Variants in APBB2 observed in about 807,000 individuals in gnomAD.
The protein encoded by APBB2 is Fe65-like 1.
Under a neutral mutation model 82.5 loss-of-function variants are expected in APBB2, and 38 were observed. That is an observed-to-expected ratio of 0.46 (90% CI 0.36 to 0.60). The LOEUF (loss-of-function observed/expected upper bound fraction) is 0.60. Among genes scored for constraint, APBB2 ranks in the 20% least tolerant of loss-of-function variants. The pLI is 0.00. For synonymous variants in APBB2, 341 were observed against 368.2 expected (o/e 0.93, Z 0.85); for missense variants, 772 against 972.3 (o/e 0.79, Z 2.74).
At chr4:41,100,390 C>A (rs1380519755) in intron 3 of APBB2, among the ~76,000 whole-genome samples, 1 of 152,028 alleles carries the variant, frequency 6.6e-6, no homozygotes, top group Non-Finnish European at 1.5e-5. Flanking sequence ...AGTTTTGTCA[C>A]AACCTTGAGG....
At chr4:40,987,493 T>C (rs557063305) in intron 6 of APBB2, among the ~76,000 whole-genome samples, 134 of 152,342 alleles carry the variant, frequency 8.8e-4, no homozygotes, top group African/African-American at 3.0e-3. Flanking sequence ...AAGGATAAGA[T>C]GGTCTATTTC....
At position 41,013,668 on chromosome 4, in the gene APBB2, G is replaced by A; in HGVS notation, c.750C>T (p.Ile250=). The A allele has an allele frequency of 6.2e-7, 1 of 1,614,230 alleles. No homozygotes were observed. The highest frequency in any genetic ancestry group is 8.5e-7 in the Non-Finnish European group (1 of 1,180,034). Residue 250 remains isoleucine (I), a synonymous_variant, in exon 6 of 18, where the codon ATC becomes ATT. Coordinates refer to ENST00000508593, the MANE Select transcript of APBB2 (RefSeq NM_004307.2). ...GAKTDCALHR[I]QNLAPSDEES... is the part of the protein sequence containing the mutation. ...CCTCATCGCTCGGTGCCAGGTTCTG[G>A]ATCCGGTGCAGTGCACAGTCGGTTT... is the stretch of plus-strand genomic sequence containing the variant.
intron 1 of APBB2, among the ~76,000 whole-genome samples, chr4:41,176,411 C>T (rs1302247181): frequency 6.6e-6 from 1 of 152,028 alleles, no homozygotes; most frequent in Non-Finnish European, 1.5e-5. Context: ...AACCAGAGCC[C>T]TCAGAGGACA....
chr4:40,969,724 C>T (rs1369346345), intron 6 of APBB2, among the ~76,000 whole-genome samples: 1 of 152,166 alleles, frequency 6.6e-6, no homozygotes, highest in Non-Finnish European at 1.5e-5. Context: ...AGCTGTATCT[C>T]TGTGAACAAG....
At chr4:40,957,728 C>T (rs569455754) in intron 6 of APBB2, among the ~76,000 whole-genome samples, 43 of 152,108 alleles carry the variant, frequency 2.8e-4, no homozygotes, top group African/African-American at 9.6e-4. Context: ...GGATTGCAGG[C>T]GCCTACCACC....
intron 5 of APBB2, among the ~76,000 whole-genome samples, chr4:41,032,499 T>C (rs567321007): frequency 1.5e-4 from 22 of 145,268 alleles, no homozygotes; most frequent in African/African-American, 5.1e-4. Flanking sequence ...ACATTCAGTA[T>C]TGGGGGCGGG....
chr4:41,193,962 C>A lies in APBB2; in HGVS notation c.-417+20443G>T. On this transcript the variant is annotated intron_variant, in intron 1 of 17. Coordinates refer to ENST00000508593, the MANE Select transcript of APBB2 (RefSeq NM_004307.2). The stretch of plus-strand genomic sequence containing the variant: ...TCAGTATCTAGAACATTAGTCCCCA[C>A]TTTTTAGATTATTTGTATATTTGAA... 14 of 152,272 alleles carry A rather than the reference C, an allele frequency of 9.2e-5. 1 individual carries two copies. The East Asian group carries it at 2.7e-3, about 29-fold the overall frequency. 9.4% of individuals were successfully genotyped at this position (152,272 alleles called of 1,614,324 possible).
intron 12 of APBB2, among the ~76,000 whole-genome samples, chr4:40,871,212 G>A (rs1765429256): frequency 6.6e-6 from 1 of 152,116 alleles, no homozygotes; most frequent in Admixed American, 6.5e-5. Flanking sequence ...TGCAGTCTTG[G>A]CTCACTGCAA....
In APBB2 at chr4:41,144,893, G is replaced by A. The variant is rs563256375; in HGVS notation, c.-416-1751C>T. On this transcript the variant is annotated intron_variant, in intron 1 of 17. Coordinates refer to ENST00000508593, the MANE Select transcript of APBB2 (RefSeq NM_004307.2). ...CCAGCAATTTGGGAGGCTAAGGCCA[G>A]AGGATCACTTGAGCCCAGACGTTCA... Among the ~76,000 whole-genome samples the A allele has an allele frequency of 2.6e-5, 4 of 152,342 alleles. No individual in the cohort carries two copies. The East Asian group carries it at 7.7e-4, about 29-fold the overall frequency.
Position 40,945,075 on chromosome 4 carries a change from TG to T in APBB2, c.836-3del. The T allele has an allele frequency of 8.3e-7, 1 of 1,199,418 alleles. No homozygotes were observed. The highest frequency in any genetic ancestry group is 1.1e-6 in the Non-Finnish European group (1 of 892,022). 74.3% of individuals were successfully genotyped at this position (1,199,418 alleles called of 1,614,324 possible). On this transcript the variant is annotated splice_region_variant and splice_polypyrimidine_tract_variant and intron_variant, in intron 6 of 17. Coordinates refer to ENST00000508593, the MANE Select transcript of APBB2 (RefSeq NM_004307.2). ...ATGAGTGATCACTCCATATATCTGC[TG>T]AAAAATTGGGGGGCGGGGCGGGGGG...
rs190105231 is a variant in APBB2 at position 41,008,803 on chromosome 4, G to C, written c.835+4780C>G. On this transcript the variant is annotated intron_variant, in intron 6 of 17. Coordinates refer to ENST00000508593, the MANE Select transcript of APBB2 (RefSeq NM_004307.2). ...ATGAGAACTGCCTAGATATAGCAGA[G>C]CTGGGATTTGAACTCAGGAAGCTCA... Among the ~76,000 whole-genome samples, 339 of 152,354 alleles carry C rather than the reference G, an allele frequency of 2.2e-3. 3 individuals are homozygous for C. Among genetic ancestry groups the C allele is most frequent in the East Asian group, 1.3e-3 (7 of 5,192 alleles).
intron 10 of APBB2, among the ~76,000 whole-genome samples, chr4:40,916,614 A>G (rs1178857435): frequency 2.0e-5 from 3 of 152,192 alleles, no homozygotes; most frequent in Non-Finnish European, 4.4e-5. Flanking sequence ...GTCTCTGTGC[A>G]ATCATGTCTT....
intron 12 of APBB2, among the ~76,000 whole-genome samples, chr4:40,878,742 C>T (rs1767570786): frequency 6.6e-6 from 1 of 152,126 alleles, no homozygotes; most frequent in Admixed American, 6.5e-5. Flanking sequence ...CGTCTGTCAC[C>T]CACTCTGTGT....
rs1225698924 is a variant in APBB2, at chr4:41,122,386, T to C, written c.-261+20601A>G. Among the ~76,000 whole-genome samples the C allele has an allele frequency of 2.0e-5, 3 of 152,332 alleles. No individual in the cohort carries two copies. In the East Asian group the frequency reaches 5.8e-4, roughly 29 times the overall value. The stretch of plus-strand genomic sequence containing the variant: ...ATTTAATGAAACAATTTGGTCTCCC[T>C]ACCTTCTTCCCCTCTGTTCTTCAAT... On this transcript the variant is annotated intron_variant, in intron 2 of 17. Transcript: ENST00000508593.
chr4:40,811,778 TAGAG>T lies in APBB2; in HGVS notation c.*4310_*4313del, dbSNP rs943221824. ...ACCATAATGAAATTTTGTTACTGAC[TAGAG>T]AGAAACCACTGTGGAAGTGCAAGAT... On this transcript the variant is annotated 3_prime_UTR_variant, in exon 18 of 18. Coordinates refer to ENST00000508593, the MANE Select transcript of APBB2 (RefSeq NM_004307.2). 8 of 152,174 alleles carry T rather than the reference TAGAG, an allele frequency of 5.3e-5. No homozygotes were observed. The highest frequency in any genetic ancestry group is 1.9e-4 in the African/African-American group (8 of 41,454). 9.4% of individuals were successfully genotyped at this position (152,174 alleles called of 1,614,324 possible).
At chr4:41,166,811 C>T (rs541240592) in intron 1 of APBB2, among the ~76,000 whole-genome samples, 6 of 152,086 alleles carry the variant, frequency 3.9e-5, no homozygotes, top group Non-Finnish European at 7.4e-5. Context: ...GCAGGAGATT[C>T]GCTTGAACCC....
At chr4:41,149,863 C>A (rs1761785277) in intron 1 of APBB2, among the ~76,000 whole-genome samples, 1 of 152,036 alleles carries the variant, frequency 6.6e-6, no homozygotes, top group South Asian at 2.1e-4. Context: ...AATTCCCCTG[C>A]ACACACACTC....
At chr4:40,991,366 A>G (rs1175893933) in intron 6 of APBB2, among the ~76,000 whole-genome samples, 1 of 151,560 alleles carries the variant, frequency 6.6e-6, no homozygotes, top group Non-Finnish European at 1.5e-5. Context: ...TTGATTTTTA[A>G]AAGTCCCCTG....
At chr4:41,105,110 G>T (rs1404642612) in intron 2 of APBB2, among the ~76,000 whole-genome samples, 2 of 152,226 alleles carry the variant, frequency 1.3e-5, no homozygotes, top group Non-Finnish European at 2.9e-5. Flanking sequence ...TGTATGTGTA[G>T]GAGAGGGTGG....
Sources: gnomAD v4.1 joint callset for allele counts (sites outside exome capture counted in the v4.1 genomes callset) on GRCh38, gnomAD v4.1.1 for gene constraint, MANE v1.5 for transcripts, NCBI Gene and HGNC (gene_info 2026-07-23, HGNC 2026-07-21) for gene names.